PLEKHA7: variants seen among roughly 807,000 people sequenced by gnomAD.
PLEKHA7 encodes pleckstrin homology domain-containing family A member 7.
PLEKHA7 carries 104 observed loss-of-function variants against 170.0 expected under a neutral mutation model. The observed-to-expected ratio is 0.61, with a 90% confidence interval of 0.52 to 0.72. The LOEUF is 0.72. Among genes scored for constraint, PLEKHA7 ranks in the 30% least tolerant of loss-of-function variants. The pLI, the probability that PLEKHA7 is intolerant of heterozygous loss-of-function variation, is 0.00. For missense variants in PLEKHA7, 1,615 were observed against 1,671.7 expected (o/e 0.97, Z 0.59); for synonymous variants, 648 against 660.8 (o/e 0.98, Z 0.30).
At chr11:16,878,892 C>A (rs1031470617) in intron 3 of PLEKHA7, among the ~76,000 whole-genome samples, 2 of 152,160 alleles carry the variant, frequency 1.3e-5, no homozygotes, top group African/African-American at 2.4e-5. Context: ...AAGGATGAGA[C>A]ACCAACATGC....
chr11:16,974,296 CT>C (rs56340937), intron 3 of PLEKHA7, among the ~76,000 whole-genome samples: 95,988 of 134,660 alleles, frequency 0.71, 33,785 homozygotes, highest in East Asian at 0.86. Context: ...TCAGAGAATT[CT>C]TTTTTTTTTT....
At chr11:16,788,033 C>T (rs1352687397) in intron 23 of PLEKHA7, 1 of 152,370 alleles carries the variant, frequency 6.6e-6, no homozygotes, top group East Asian at 1.9e-4. Flanking sequence ...ACCGAACAAC[C>T]TCAGTCTTGG....
intron 3 of PLEKHA7, among the ~76,000 whole-genome samples, chr11:16,893,109 T>A (rs972413007): frequency 6.6e-6 from 1 of 152,240 alleles, no homozygotes; most frequent in African/African-American, 2.4e-5. Context: ...CTGCTTGTAA[T>A]ATTTGCATGT....
intron 3 of PLEKHA7, among the ~76,000 whole-genome samples, chr11:16,903,879 C>G (rs1013359643): frequency 2.6e-5 from 4 of 152,226 alleles, no homozygotes; most frequent in Non-Finnish European, 5.9e-5. Flanking sequence ...GCAAACAGGC[C>G]TTTCAGTTTT....
chr11:16,983,645 C>G (rs1444983236), intron 3 of PLEKHA7, among the ~76,000 whole-genome samples: 1 of 152,226 alleles, frequency 6.6e-6, no homozygotes, highest in Non-Finnish European at 1.5e-5. Context: ...CTTCTCCTGT[C>G]TCCACTGCCG....
At chr11:16,877,795 T>A (rs1003262071) in intron 3 of PLEKHA7, among the ~76,000 whole-genome samples, 1 of 152,198 alleles carries the variant, frequency 6.6e-6, no homozygotes. Context: ...TCAAACCAGA[T>A]AAGCCACCTC....
intron 3 of PLEKHA7, among the ~76,000 whole-genome samples, chr11:16,973,430 C>T (rs911496015): frequency 1.3e-5 from 2 of 152,234 alleles, no homozygotes; most frequent in Non-Finnish European, 2.9e-5. Flanking sequence ...CACCACCATG[C>T]AACTGCCTCA....
chr11:16,890,410 C>T (rs1053583912), intron 3 of PLEKHA7, among the ~76,000 whole-genome samples: 1 of 152,132 alleles, frequency 6.6e-6, no homozygotes, highest in African/African-American at 2.4e-5. Flanking sequence ...ACCCACCTCG[C>T]TGATAAAGAC....
chr11:16,921,747 A>G (rs1024736231), intron 3 of PLEKHA7, among the ~76,000 whole-genome samples: 1 of 152,256 alleles, frequency 6.6e-6, no homozygotes, highest in Non-Finnish European at 1.5e-5. Context: ...ACTGTCTGGT[A>G]TCTAGTTAGC....
intron 3 of PLEKHA7, among the ~76,000 whole-genome samples, chr11:16,995,098 CATT>C (rs1864261570): frequency 6.6e-6 from 1 of 152,210 alleles, no homozygotes. Context: ...CCTATTAACT[CATT>C]TAATCCCTGC....
At chr11:16,886,397 G>A (rs1396206072) in intron 3 of PLEKHA7, among the ~76,000 whole-genome samples, 1 of 152,154 alleles carries the variant, frequency 6.6e-6, no homozygotes, top group Non-Finnish European at 1.5e-5. Flanking sequence ...ATTCAGCTAG[G>A]TATTCAAAAG....
Position 16,837,220 on chromosome 11 carries a change from CAG to C in PLEKHA7, c.872+4325_872+4326del, listed in dbSNP as rs1273479095. On this transcript the variant is annotated intron_variant, in intron 9 of 26. Transcript: ENST00000531066. Reference sequence around the variant, plus strand: ...GCATAATAAGAATACATCTCAATGTCAGAGAAAAACTAGGGATGATACAATGG... The same window carrying C: ...GCATAATAAGAATACATCTCAATGTCAGAAAAACTAGGGATGATACAATGG... Among the ~76,000 whole-genome samples, 3 of 152,252 alleles carry C rather than the reference CAG, an allele frequency of 2.0e-5. No individual in the cohort carries two copies. In the East Asian group the frequency reaches 5.8e-4, roughly 29 times the overall value.
At position 16,871,096 on chromosome 11, in the gene PLEKHA7, T is replaced by TA. The variant is rs1854802391; in HGVS notation, c.305+2dup. 6.3e-7 allele frequency: 1 copy of TA among 1,582,782 alleles called. No homozygotes were observed. The highest frequency in any genetic ancestry group is 8.7e-7 in the Non-Finnish European group (1 of 1,151,938). Reference sequence around the variant, plus strand: ...GATAAGGAGAATACATAAAAAGACTTACTCTTCTTGAAGAATGAATTCACT... The same window carrying TA: ...GATAAGGAGAATACATAAAAAGACTTAACTCTTCTTGAAGAATGAATTCACT... On this transcript the variant is annotated splice_region_variant and intron_variant, in intron 4 of 26. Coordinates refer to ENST00000531066, the MANE Select transcript of PLEKHA7 (RefSeq NM_001329630.2).
At chr11:17,009,421 A>T (rs1056800939) in intron 3 of PLEKHA7, among the ~76,000 whole-genome samples, 7 of 152,218 alleles carry the variant, frequency 4.6e-5, no homozygotes, top group African/African-American at 1.7e-4. Flanking sequence ...TACCTCATCA[A>T]ACTATTGTGA....
chr11:16,803,012 T>C lies in PLEKHA7; in HGVS notation c.2117A>G (p.Gln706Arg). The stretch of plus-strand genomic sequence containing the variant: ...GGCTCGTATCTTGTCTTCCAAGTCC[T>C]GGAGGACCCTGTCTTGTTCACAGAA... ...SIFCEQDRVL[Q>R]DLEDKIRALK... The change falls in exon 15 of 27, where the codon CAG becomes CGG. Residue 706 changes from glutamine (Q) to arginine (R), a missense_variant. Physicochemically the swap from Gln to Arg is conservative, Grantham distance 43. Transcript: ENST00000531066. 6.2e-7 allele frequency: 1 copy of C among 1,614,236 alleles called. No homozygotes were observed. Among genetic ancestry groups the C allele is most frequent in the Non-Finnish European group, 8.5e-7 (1 of 1,180,018 alleles).
intron 9 of PLEKHA7, among the ~76,000 whole-genome samples, chr11:16,840,283 G>A (rs553615063): frequency 9.8e-5 from 15 of 152,286 alleles, no homozygotes; most frequent in Non-Finnish European, 1.6e-4. Context: ...AAGACAGGCC[G>A]GGCGTGGTGG....
At chr11:16,943,546 C>A (rs1279007854) in intron 3 of PLEKHA7, among the ~76,000 whole-genome samples, 1 of 152,168 alleles carries the variant, frequency 6.6e-6, no homozygotes, top group Non-Finnish European at 1.5e-5. Flanking sequence ...TATTTTATAT[C>A]AAATCCTGTC....
chr11:16,972,576 AT>A (rs1383614244), intron 3 of PLEKHA7, among the ~76,000 whole-genome samples: 2 of 151,012 alleles, frequency 1.3e-5, no homozygotes, highest in Non-Finnish European at 2.9e-5. Flanking sequence ...ATGCCTGGCT[AT>A]TTTTTTCTTT....
chr11:16,851,176 G>A lies in PLEKHA7; in HGVS notation c.696+15C>T. On this transcript the variant is annotated intron_variant, in intron 8 of 26. Coordinates refer to ENST00000531066, the MANE Select transcript of PLEKHA7 (RefSeq NM_001329630.2). The stretch of plus-strand genomic sequence containing the variant: ...CTTAGACAGAATGGCTGCATTAGAG[G>A]TGCAGGGGCAGTACCTTAAAGGAAT... 6.3e-7 allele frequency: 1 copy of A among 1,577,734 alleles called. No homozygotes were observed. The highest frequency in any genetic ancestry group is 8.6e-7 in the Non-Finnish European group (1 of 1,157,278).
Sources: gnomAD v4.1 joint callset for allele counts (sites outside exome capture counted in the v4.1 genomes callset) on GRCh38, gnomAD v4.1.1 for gene constraint, MANE v1.5 for transcripts, NCBI Gene and HGNC (gene_info 2026-07-23, HGNC 2026-07-21) for gene names.